Variants in PIAS1 observed in about 807,000 individuals in gnomAD.
The protein encoded by PIAS1 is protein inhibitor of activated STAT 1.
A neutral mutation model predicts 71.3 loss-of-function variants in PIAS1; 6 were observed. The ratio of observed to expected loss-of-function variants is 0.08; its 90% confidence interval spans 0.05 to 0.17. PIAS1 has a LOEUF of 0.17. Ranked by LOEUF, PIAS1 falls within the 10% of genes least tolerant of loss-of-function variation. The pLI is 1.00. For synonymous variants in PIAS1, 303 were observed against 292.9 expected, an observed-to-expected ratio of 1.03 and a Z score of -0.35; for missense variants, 555 against 793.6, an observed-to-expected ratio of 0.70 and a Z score of 3.61.
At chr15:68,132,305 C>A (rs781229445) in intron 2 of PIAS1, among the ~76,000 whole-genome samples, 2 of 151,476 alleles carry the variant, frequency 1.3e-5, no homozygotes, top group African/African-American at 2.4e-5. Context: ...GGTGATACTC[C>A]GTCTCTACTA....
chr15:68,172,757 C>T (rs2092999406), intron 8 of PIAS1, among the ~76,000 whole-genome samples: 1 of 152,230 alleles, frequency 6.6e-6, no homozygotes, highest in South Asian at 2.1e-4. Flanking sequence ...GTGCAGGTTT[C>T]TGCGTGGCTT....
At chr15:68,177,811 C>G (rs1014619655) in intron 11 of PIAS1, among the ~76,000 whole-genome samples, 3 of 152,184 alleles carry the variant, frequency 2.0e-5, no homozygotes, top group Admixed American at 2.0e-4. Flanking sequence ...ACAATTGTAG[C>G]ACACTAATTG....
At chr15:68,184,480 A>G (rs2093074664) in intron 13 of PIAS1, 1 of 152,270 alleles carries the variant, frequency 6.6e-6, no homozygotes, top group African/African-American at 2.4e-5. Context: ...GATCATGGCC[A>G]AAGCAAAAAG....
rs1038238343 is a variant in PIAS1, at chr15:68,058,053, T to C, written c.24+3703T>C. On this transcript the variant is annotated intron_variant, in intron 1 of 13. Coordinates refer to ENST00000249636, the MANE Select transcript of PIAS1 (RefSeq NM_016166.3). ...TGCTCCAGGGTTCTTGCTGAGGCTT[T>C]TGAGTTTAGTGTAATTTGTACCCTT... 2.0e-5 allele frequency among the ~76,000 whole-genome samples: 3 copies of C among 152,212 alleles called. No homozygotes were observed. In the East Asian group the frequency reaches 5.8e-4, roughly 29 times the overall value.
intron 1 of PIAS1, among the ~76,000 whole-genome samples, chr15:68,060,637 CCAAAAAA>C (rs1440694311): frequency 6.6e-6 from 1 of 152,050 alleles, no homozygotes; most frequent in African/African-American, 2.4e-5. Flanking sequence ...AAAAAATCCC[CCAAAAAA>C]CAAACACTAT....
chr15:68,149,906 C>T (rs2092833744), intron 6 of PIAS1, among the ~76,000 whole-genome samples: 1 of 151,988 alleles, frequency 6.6e-6, no homozygotes, highest in African/African-American at 2.4e-5. Flanking sequence ...TGACTTGCTC[C>T]TTATGTTAAT....
At chr15:68,070,398 T>A (rs1409141840) in intron 1 of PIAS1, among the ~76,000 whole-genome samples, 1 of 152,196 alleles carries the variant, frequency 6.6e-6, no homozygotes, top group East Asian at 1.9e-4. Flanking sequence ...GTTAGTGATT[T>A]TGAGGGTGGT....
chr15:68,116,010 T>C (rs1475162865), intron 2 of PIAS1, among the ~76,000 whole-genome samples: 1 of 152,160 alleles, frequency 6.6e-6, no homozygotes, highest in Non-Finnish European at 1.5e-5. Flanking sequence ...AAGGTCTTGG[T>C]CTCATTTTGG....
At chr15:68,135,664 G>A (rs1348770592) in intron 2 of PIAS1, among the ~76,000 whole-genome samples, 3 of 69,124 alleles carry the variant, frequency 4.3e-5, no homozygotes, top group Non-Finnish European at 8.5e-5. Flanking sequence ...CTGGCCTGGC[G>A]GGGGCTGACC....
chr15:68,084,843 CA>C (rs2092264585), intron 1 of PIAS1, among the ~76,000 whole-genome samples: 1 of 152,132 alleles, frequency 6.6e-6, no homozygotes, highest in Non-Finnish European at 1.5e-5. Context: ...TGCTAAAATA[CA>C]GATGCGAAAA....
intron 1 of PIAS1, among the ~76,000 whole-genome samples, chr15:68,081,385 A>G (rs1567032625): frequency 1.3e-5 from 2 of 152,044 alleles, no homozygotes; most frequent in Non-Finnish European, 2.9e-5. Context: ...TAGATGAAGT[A>G]CCCTGGTCTG....
chr15:68,065,163 A>G (rs1045477510), intron 1 of PIAS1, among the ~76,000 whole-genome samples: 2 of 152,180 alleles, frequency 1.3e-5, no homozygotes, highest in Non-Finnish European at 2.9e-5. Context: ...CTCCACTTTC[A>G]AGAGTCCCAA....
intron 6 of PIAS1, 143 bp downstream of exon 6, chr15:68,146,843 C>T (rs889463213): frequency 5.6e-6 from 4 of 708,838 alleles, no homozygotes; most frequent in African/African-American, 5.3e-5. Flanking sequence ...CAACATGTTT[C>T]CATTTGAAAA....
chr15:68,102,218 G>A (rs1398621915), intron 2 of PIAS1, among the ~76,000 whole-genome samples: 11 of 152,136 alleles, frequency 7.2e-5, no homozygotes, highest in Admixed American at 6.5e-4. Context: ...TGCAAAGGCC[G>A]TCCTCCTCCA....
chr15:68,098,400 G>A (rs1443335682), intron 2 of PIAS1, among the ~76,000 whole-genome samples: 1 of 151,186 alleles, frequency 6.6e-6, no homozygotes, highest in Admixed American at 6.6e-5. Flanking sequence ...CATTAAGTAG[G>A]CTAAAGGGGA....
In PIAS1 at chr15:68,192,651, C is replaced by G. The variant is rs1363357851; in HGVS notation, c.*4816C>G. 2.6e-5 allele frequency: 4 copies of G among 152,224 alleles called. No individual in the cohort carries two copies. Among genetic ancestry groups the G allele is most frequent in the Non-Finnish European group, 5.9e-5 (4 of 68,062 alleles). 9.4% of individuals were successfully genotyped at this position (152,224 alleles called of 1,614,324 possible). A position where few individuals can be genotyped will look rare whatever the true frequency, so the allele number is the denominator to read the frequency against. ...CATCGTTGAGACAGTTGCACTAACACTACAACTCTTGTTCCCTGCAGTTTT... is the reference window on the plus strand; with the variant it reads ...CATCGTTGAGACAGTTGCACTAACAGTACAACTCTTGTTCCCTGCAGTTTT... On this transcript the variant is annotated 3_prime_UTR_variant, in exon 14 of 14. Coordinates refer to ENST00000249636, the MANE Select transcript of PIAS1 (RefSeq NM_016166.3).
intron 2 of PIAS1, among the ~76,000 whole-genome samples, chr15:68,140,823 G>A (rs965176540): frequency 2.0e-5 from 3 of 152,116 alleles, no homozygotes; most frequent in Non-Finnish European, 1.5e-5. Flanking sequence ...CCCAGAAGCC[G>A]ATAGTTTCTT....
chr15:68,071,481 C>T (rs1384932567), intron 1 of PIAS1, among the ~76,000 whole-genome samples: 3 of 149,800 alleles, frequency 2.0e-5, no homozygotes, highest in Non-Finnish European at 3.0e-5. Context: ...TCCCAAAGTG[C>T]TGGGATTACA....
chr15:68,087,382 G>GTAATT (rs1403378961), intron 2 of PIAS1, among the ~76,000 whole-genome samples: 1 of 152,086 alleles, frequency 6.6e-6, no homozygotes, highest in East Asian at 1.9e-4. Flanking sequence ...TAATCAACTT[G>GTAATT]TAATTTTAAT....
Sources: allele counts gnomAD v4.1 joint callset (sites outside exome capture counted in the v4.1 genomes callset), GRCh38; gene constraint gnomAD v4.1.1; transcripts MANE v1.5; gene names NCBI Gene and HGNC (gene_info 2026-07-23, HGNC 2026-07-21).